The following STIP1 variants were observed in gnomAD, a reference collection of about 807,000 sequenced individuals.
STIP1 encodes the protein stress-induced-phosphoprotein 1.
Under a neutral mutation model 77.4 loss-of-function variants are expected in STIP1, and 16 were observed. The observed-to-expected ratio is 0.21, with a 90% CI of 0.14 to 0.31. The LOEUF is 0.31. Among genes scored for constraint, STIP1 ranks in the 10% least tolerant of loss-of-function variants. The pLI, the probability that STIP1 is intolerant of heterozygous loss-of-function variation, is 1.00. For synonymous variants in STIP1, 258 were observed against 246.6 expected, an observed-to-expected ratio of 1.05 and a Z score of -0.44; for missense variants, 524 against 684.8, an observed-to-expected ratio of 0.77 and a Z score of 2.62.
At chr11:64,185,605 C>G (rs1448048857), upstream of STIP1, 11 of 604,850 alleles carry the variant, frequency 1.8e-5, no homozygotes, top group South Asian at 1.7e-4. Context: ...CGGGGACCGC[C>G]TGGAACTCGC....
chr11:64,189,561 G>C (rs746046407), intron 1 of STIP1, among the ~76,000 whole-genome samples: 5 of 151,800 alleles, frequency 3.3e-5, no homozygotes, highest in Non-Finnish European at 7.4e-5. Context: ...GAATGTTCAG[G>C]CTTTTTTTTT....
chr11:64,188,862 C>T (rs1946058737), intron 1 of STIP1, among the ~76,000 whole-genome samples: 1 of 152,190 alleles, frequency 6.6e-6, no homozygotes, highest in Non-Finnish European at 1.5e-5. Flanking sequence ...TGAAAACAAA[C>T]ACGATTTCTC....
In STIP1 at chr11:64,200,229, C is replaced by T; in HGVS notation, c.1181C>T (p.Ala394Val). 6.2e-7 allele frequency: 1 copy of T among 1,614,128 alleles called. No individual in the cohort carries two copies. Among genetic ancestry groups the T allele is most frequent in the Non-Finnish European group, 8.5e-7 (1 of 1,180,012 alleles). ...TEAIKRNPKD[A>V]KLYSNRAACY... ...GCCATCAAAAGGAACCCGAAAGATG[C>T]CAAATTATACAGCAATCGAGCTGCC... is the stretch of plus-strand genomic sequence containing the variant. The change falls in exon 10 of 14, where the codon GCC (alanine) becomes GTC (valine). Residue 394 changes from alanine to valine, a missense_variant. Coordinates refer to ENST00000305218, the MANE Select transcript of STIP1 (RefSeq NM_006819.3).
chr11:64,192,195 TC>T (rs775569073), intron 1 of STIP1, among the ~76,000 whole-genome samples: 3 of 152,146 alleles, frequency 2.0e-5, no homozygotes, highest in African/African-American at 4.8e-5. Context: ...GCGCCTGTAG[TC>T]CCAGCTACTT....
upstream of STIP1, chr11:64,186,095 G>C: frequency 6.5e-6 from 10 of 1,550,214 alleles, no homozygotes; most frequent in African/African-American, 2.7e-5. Context: ...GCCAATAGTA[G>C]AGCAGCACAG....
At chr11:64,196,562 T>A (rs1395444169) in intron 5 of STIP1, among the ~76,000 whole-genome samples, 3 of 152,126 alleles carry the variant, frequency 2.0e-5, no homozygotes, top group Non-Finnish European at 4.4e-5. Flanking sequence ...TTCACGTCCT[T>A]GTCGTGATCC....
Position 64,186,241 on chromosome 11 carries a change from G to C in STIP1, c.-21G>C, listed in dbSNP as rs1439232139. ...GGAGCGGACGGATTCGATTCAACGG[G>C]GTTCCGGACCGCGCTGCGCTATGGA... On this transcript the variant is annotated 5_prime_UTR_variant, in exon 1 of 14. Transcript: ENST00000305218. 13 of 1,550,450 alleles carry C rather than the reference G, an allele frequency of 8.4e-6. No individual in the cohort carries two copies. The highest frequency in any genetic ancestry group is 3.9e-5 in the Admixed American group (2 of 50,976).
At position 64,197,389 on chromosome 11, in the gene STIP1, A is replaced by G. The variant is rs1419979933; in HGVS notation, c.791A>G (p.Asn264Ser). The change falls in exon 6 of 14, where the codon AAT becomes AGT. Residue 264 changes from asparagine to serine, a missense_variant. Coordinates refer to ENST00000305218, the MANE Select transcript of STIP1 (RefSeq NM_006819.3). The stretch of plus-strand genomic sequence containing the variant: ...CCCACTAACATGACTTACATTACCA[A>G]TCAAGCAGGTGAGGCCCAGAAACAA... ...LDPTNMTYIT[N>S]QAAVYFEKGD... 1.2e-6 allele frequency: 2 copies of G among 1,613,916 alleles called. No homozygotes were observed. The highest frequency in any genetic ancestry group is 1.7e-6 in the Non-Finnish European group (2 of 1,180,008).
At position 64,204,314 on chromosome 11, in the gene STIP1, C is replaced by T; in HGVS notation, c.*188C>T. ...TGTGCCGCCGCTGCCTCTGGGCCCT[C>T]CCAGCACACGCATGGTCTCTTCACC... On this transcript the variant is annotated 3_prime_UTR_variant, in exon 14 of 14. Coordinates refer to ENST00000305218, the MANE Select transcript of STIP1 (RefSeq NM_006819.3). 1.7e-6 allele frequency: 1 copy of T among 604,280 alleles called. No homozygotes were observed. The highest frequency in any genetic ancestry group is 2.9e-6 in the Non-Finnish European group (1 of 348,348). The allele number at this position is 604,280 out of a possible 1,614,324, so 37.4% of individuals were successfully genotyped here.
Position 64,193,113 on chromosome 11 carries a change from G to A in STIP1, c.45G>A (p.Leu15=), listed in dbSNP as rs146376459. ...NELKEKGNKA[L]SVGNIDDALQ... is the part of the protein sequence containing the mutation. ...TGAAGGAGAAAGGCAACAAGGCCCT[G>A]AGCGTGGGTAACATCGATGATGCCT... is the stretch of plus-strand genomic sequence containing the variant. Residue 15 remains leucine, a synonymous_variant, in exon 2 of 14, where the codon CTG becomes CTA. Transcript: ENST00000305218. 12 of 1,614,194 alleles carry A rather than the reference G, an allele frequency of 7.4e-6. No homozygotes were observed. The South Asian group carries it at 1.1e-4, about 15-fold the overall frequency.
At chr11:64,199,810 G>A (rs193100342) in intron 8 of STIP1, 130 bp from the exon 9 acceptor site, 23,885 of 914,180 alleles carry the variant, frequency 0.026, 460 homozygotes, top group Middle Eastern at 0.08. Flanking sequence ...TGATCCACCC[G>A]CCTCGGCCTC....
chr11:64,200,421 T>C, intron 10 of STIP1, 128 bp downstream of exon 10: 6 of 1,421,482 alleles, frequency 4.2e-6, no homozygotes, highest in South Asian at 1.5e-5. Flanking sequence ...CACTCTGTCC[T>C]GCCTCAGCCT....
At position 64,203,139 on chromosome 11, in the gene STIP1, C is replaced by A. The variant is rs1227163271; in HGVS notation, c.1297C>A (p.Arg433=). ...LEPTFIKGYT[R]KAAALEAMKD... ...CCTGTTTGTAGTCAAGGGTTATACA[C>A]GGAAAGCCGCTGCGCTGGAAGCGAT... The change falls in exon 12 of 14, where the codon CGG becomes AGG. Residue 433 remains arginine (R), a synonymous_variant. Coordinates refer to ENST00000305218, the MANE Select transcript of STIP1 (RefSeq NM_006819.3). The A allele has an allele frequency of 1.2e-6, 2 of 1,614,202 alleles. No individual in the cohort carries two copies. Among genetic ancestry groups the A allele is most frequent in the East Asian group, 4.5e-5 (2 of 44,874 alleles).
At chr11:64,193,013 T>C (rs1946109839) in intron 1 of STIP1, 65 bp from the exon 2 acceptor site, 8 of 1,477,514 alleles carry the variant, frequency 5.4e-6, no homozygotes, top group Non-Finnish European at 7.5e-6. Flanking sequence ...AGAATGAGTG[T>C]TGTCTTTAAA....
chr11:64,194,130 C>A (rs1285337547), intron 2 of STIP1, 59 bp from the exon 3 acceptor site: 26 of 1,556,532 alleles, frequency 1.7e-5, no homozygotes, highest in Non-Finnish European at 2.2e-5. Context: ...TTTTTGAGTT[C>A]GTCTTCTAGA....
chr11:64,195,203 T>C (rs1946135552), intron 4 of STIP1, among the ~76,000 whole-genome samples: 1 of 152,110 alleles, frequency 6.6e-6, no homozygotes, highest in Non-Finnish European at 1.5e-5. Context: ...AACTTCCACC[T>C]CCTGGGTTCA....
chr11:64,191,600 G>A (rs1015890490), intron 1 of STIP1, among the ~76,000 whole-genome samples: 1 of 152,064 alleles, frequency 6.6e-6, no homozygotes, highest in South Asian at 2.1e-4. Context: ...GCAAGACTCT[G>A]TCTCAAAAAA....
At chr11:64,197,815 C>T (rs771395413) in intron 7 of STIP1, 39 bp from the exon 8 acceptor site, 1 of 1,599,398 alleles carries the variant, frequency 6.3e-7, no homozygotes, top group Non-Finnish European at 8.5e-7. Context: ...GACTTTATCT[C>T]TCTGTCCTAA....
At chr11:64,200,132 T>C (rs769256322) in intron 9 of STIP1, 37 bp from the exon 10 acceptor site, 2 of 1,610,830 alleles carry the variant, frequency 1.2e-6, no homozygotes, top group Non-Finnish European at 1.7e-6. Flanking sequence ...GGGGGCTTTT[T>C]GCTTTTTAAA....
Sources: gnomAD v4.1 joint callset for allele counts (sites outside exome capture counted in the v4.1 genomes callset) on GRCh38, gnomAD v4.1.1 for gene constraint, MANE v1.5 for transcripts, NCBI Gene and HGNC (gene_info 2026-07-23, HGNC 2026-07-21) for gene names.